SRP19: variants seen among roughly 807,000 people sequenced by gnomAD.
SRP19 encodes the protein signal recognition particle 19, also known as signal recognition particle 19 kDa protein.
Under a neutral mutation model 22.4 loss-of-function variants are expected in SRP19, and 11 were observed. That is an observed-to-expected ratio of 0.49 (90% CI 0.31 to 0.81). SRP19 has a LOEUF of 0.81. Among genes scored for constraint, SRP19 ranks in the 40% least tolerant of loss-of-function variants. The probability of loss-of-function intolerance (pLI) is 0.05; values close to 1 mark genes in which losing one functional copy is unlikely to be tolerated. For synonymous variants in SRP19, 61 were observed against 57.6 expected (o/e 1.06, Z -0.27); for missense variants, 168 against 175.9 (o/e 0.96, Z 0.25).
At position 112,867,439 on chromosome 5, in the gene SRP19, C is replaced by A. The variant is rs886952961; in HGVS notation, c.337C>A (p.Pro113Thr). The A allele has an allele frequency of 8.1e-6, 13 of 1,613,620 alleles. No individual in the cohort carries two copies. Among genetic ancestry groups the A allele is most frequent in the South Asian group, 1.1e-5 (1 of 91,048 alleles). The stretch of plus-strand genomic sequence containing the variant: ...AATGTTGTATGCAGCAGAAATGATA[C>A]CTAAACTAAAAACAAGGACACAAAA... Reference protein sequence around the residue: ...SVMLYAAEMIPKLKTRTQKTG... With the variant: ...SVMLYAAEMITKLKTRTQKTG... The change falls in exon 5 of 5, where the codon CCT becomes ACT. Residue 113 changes from proline (P) to threonine (T), a missense_variant. By Grantham distance (38) the Pro-to-Thr change is conservative. Coordinates refer to ENST00000505459, the MANE Select transcript of SRP19 (RefSeq NM_003135.3).
In SRP19 at chr5:112,861,340, T is replaced by C. The variant is rs1767386307; in HGVS notation, c.-37T>C. 4 of 1,613,956 alleles carry C rather than the reference T, an allele frequency of 2.5e-6. No individual in the cohort carries two copies. The highest frequency in any genetic ancestry group is 3.4e-6 in the Non-Finnish European group (4 of 1,179,892). Reference sequence around the variant, plus strand: ...TCCTCCCGGGTTTCTGCCGGGTTTCTCCCTGCGGCTCCTGGGTTGTTGAGA... The same window carrying C: ...TCCTCCCGGGTTTCTGCCGGGTTTCCCCCTGCGGCTCCTGGGTTGTTGAGA... On this transcript the variant is annotated 5_prime_UTR_variant, in exon 1 of 5. Coordinates refer to ENST00000505459, the MANE Select transcript of SRP19 (RefSeq NM_003135.3).
intron 4 of SRP19, chr5:112,885,559 C>A: frequency 4.0e-6 from 1 of 249,454 alleles, no homozygotes. Context: ...ACTACCTTCC[C>A]AGTATGATAT....
intron 4 of SRP19, among the ~76,000 whole-genome samples, chr5:112,886,522 AG>A (rs1488364753): frequency 6.6e-6 from 1 of 152,178 alleles, no homozygotes; most frequent in African/African-American, 2.4e-5. Context: ...CACATACCTG[AG>A]GGGGCTCTTT....
At chr5:112,861,673 G>C (rs969835373) in intron 1 of SRP19, among the ~76,000 whole-genome samples, 14 of 152,242 alleles carry the variant, frequency 9.2e-5, no homozygotes, top group African/African-American at 3.1e-4. Context: ...GATTTTGGGT[G>C]CTACGTGGAC....
At chr5:112,887,196 A>G in intron 4 of SRP19, 1 of 1,567,694 alleles carries the variant, frequency 6.4e-7, no homozygotes. Context: ...GCACAGAAAA[A>G]GAGCCAGCAT....
chr5:112,891,826 C>G (rs1484750380), exon 5 of SRP19: 8 of 1,578,044 alleles, frequency 5.1e-6, no homozygotes, highest in Non-Finnish European at 7.0e-6. Flanking sequence ...AGAACAACAA[C>G]TAGAAGAAGA....
downstream of SRP19, chr5:112,895,685 GTTAA>G (rs1171827665): frequency 6.6e-6 from 1 of 152,178 alleles, no homozygotes; most frequent in Non-Finnish European, 1.5e-5. Flanking sequence ...TAAAAATAAA[GTTAA>G]TTACTGTTCA....
chr5:112,864,877 G>T, intron 4 of SRP19, 145 bp downstream of exon 4: 1 of 520,994 alleles, frequency 1.9e-6, no homozygotes. Flanking sequence ...ATGGAGAGAA[G>T]CAGTAGTTCT....
At chr5:112,861,882 C>T (rs1423564692) in intron 1 of SRP19, among the ~76,000 whole-genome samples, 1 of 150,682 alleles carries the variant, frequency 6.6e-6, no homozygotes, top group African/African-American at 2.4e-5. Flanking sequence ...TGTTTCTATT[C>T]CTGTGGTTTT....
chr5:112,867,792 G>A lies in SRP19; in HGVS notation c.*255G>A, dbSNP rs1767657557. 1 of 1,186,068 alleles carries A rather than the reference G, an allele frequency of 8.4e-7. No individual in the cohort carries two copies. Among genetic ancestry groups the A allele is most frequent in the Admixed American group, 4.1e-5 (1 of 24,580 alleles). The allele number at this position is 1,186,068 out of a possible 1,614,324, so 73.5% of individuals were successfully genotyped here. A position where few individuals can be genotyped will look rare whatever the true frequency, so the allele number is the denominator to read the frequency against. On this transcript the variant is annotated 3_prime_UTR_variant, in exon 5 of 5. Coordinates refer to ENST00000505459, the MANE Select transcript of SRP19 (RefSeq NM_003135.3). ...TTTTGGAAGAAAATATTTTTAAATG[G>A]ACAATGGACTGTACAATAAGTTACT...
chr5:112,871,814 G>T (rs557493121), downstream of SRP19, among the ~76,000 whole-genome samples: 2 of 152,192 alleles, frequency 1.3e-5, no homozygotes, highest in South Asian at 4.1e-4. Flanking sequence ...ATACTCCTGG[G>T]CTCAAGCAAT....
At chr5:112,891,657 G>C (rs767922349) in exon 5 of SRP19, 1 of 1,610,932 alleles carries the variant, frequency 6.2e-7, no homozygotes, top group South Asian at 1.1e-5. Flanking sequence ...CACTTGAGAA[G>C]ATGACGTTTC....
chr5:112,862,670 G>C, intron 2 of SRP19, 87 bp downstream of exon 2: 1 of 1,171,366 alleles, frequency 8.5e-7, no homozygotes, highest in Non-Finnish European at 1.2e-6. Flanking sequence ...GAGCCGCAGG[G>C]GGTTCTCTTC....
rs1428506176 is a variant in SRP19, at chr5:112,889,082, C to T, written c.302-2521C>T. 2.7e-5 allele frequency among the ~76,000 whole-genome samples: 4 copies of T among 150,874 alleles called. 1 individual carries two copies. The highest frequency in any genetic ancestry group is 9.9e-5 in the African/African-American group (4 of 40,596). On this transcript the variant is annotated intron_variant, in intron 4 of 4. Transcript: ENST00000391338. ...CCCTTTGCTTTTCCTTCATCTTCCA[C>T]CATGATTGTGAGGTCTCCACAACCA... is the stretch of plus-strand genomic sequence containing the variant.
chr5:112,891,663 GTTTCCCAAGAAGATGACA>G (rs1561650297), exon 5 of SRP19: 1 of 1,612,220 alleles, frequency 6.2e-7, no homozygotes, highest in Non-Finnish European at 8.5e-7. Context: ...AGAAGATGAC[GTTTCCCAAGAAGATGACA>G]TTTCCAGAGA....
At chr5:112,870,059 C>A (rs140997864), downstream of SRP19, among the ~76,000 whole-genome samples, 1,883 of 152,212 alleles carry the variant, frequency 0.012, 19 homozygotes, top group Non-Finnish European at 0.017. Context: ...CAGTCTCTCT[C>A]AAAATATTGT....
At chr5:112,891,907 G>A (rs776143293) in exon 5 of SRP19, 5 of 1,315,066 alleles carry the variant, frequency 3.8e-6, no homozygotes, top group South Asian at 3.5e-5. Context: ...GGCACAAGAA[G>A]AATTCAGAAT....
intron 4 of SRP19, chr5:112,878,247 T>C (rs529497921): frequency 6.5e-6 from 1 of 153,128 alleles, no homozygotes; most frequent in South Asian, 2.1e-4. Flanking sequence ...GTGGTCTTAC[T>C]GTACAGAAGT....
At chr5:112,893,615 A>G (rs1374452399), downstream of SRP19, 2 of 152,986 alleles carry the variant, frequency 1.3e-5, no homozygotes, top group African/African-American at 2.4e-5. Flanking sequence ...GACTTGGGAA[A>G]GCATGACAGT....
Sources: allele counts gnomAD v4.1 joint callset (sites outside exome capture counted in the v4.1 genomes callset), GRCh38; gene constraint gnomAD v4.1.1; transcripts MANE v1.5; gene names NCBI Gene and HGNC (gene_info 2026-07-23, HGNC 2026-07-21).